Variants in CELF4 observed in about 807,000 individuals in gnomAD.
CELF4 encodes CUG-BP- and ETR-3-like factor 4.
In CELF4, 18 loss-of-function variants were observed where a neutral mutation model predicts 59.9. The ratio of observed to expected loss-of-function variants is 0.30; its 90% CI spans 0.21 to 0.45. CELF4 has a LOEUF of 0.45. CELF4 is among the 20% of genes least tolerant of loss of function. CELF4 has a pLI of 1.00. For missense variants in CELF4, 456 were observed against 689.0 expected (o/e 0.66, Z 3.79); for synonymous variants, 261 against 267.1 (o/e 0.98, Z 0.22).
Position 37,243,471 on chromosome 18 carries a change from T to C in CELF4, c.*1771A>G, listed in dbSNP as rs1301786196. The C allele has an allele frequency of 6.6e-6, 1 of 152,184 alleles. No individual in the cohort carries two copies. Among genetic ancestry groups the C allele is most frequent in the African/African-American group, 2.4e-5 (1 of 41,456 alleles). 9.4% of individuals were successfully genotyped at this position (152,184 alleles called of 1,614,324 possible). On this transcript the variant is annotated 3_prime_UTR_variant, in exon 13 of 13. Coordinates refer to ENST00000420428, the MANE Select transcript of CELF4 (RefSeq NM_020180.4). Reference sequence around the variant, plus strand: ...AATAAATATGTTATACTTTAAAATATATGTGTTCTTAAATAATTCAGTGTT... The same window carrying C: ...AATAAATATGTTATACTTTAAAATACATGTGTTCTTAAATAATTCAGTGTT...
At chr18:37,485,656 C>A in intron 1 of CELF4, 49 bp from the exon 2 acceptor site, 1 of 1,250,400 alleles carries the variant, frequency 8.0e-7, no homozygotes, top group South Asian at 2.2e-5. Context: ...CGCCCCCGGG[C>A]CCGCCGACGC....
At position 37,265,231 on chromosome 18, in the gene CELF4, G is replaced by A. The variant is rs112144965; in HGVS notation, c.1166-474C>T. ...TGTACGTGTGTGTACGTGTGTGCGC[G>A]CACGTGCACTTGTGTACATGGTGTT... On this transcript the variant is annotated intron_variant, in intron 9 of 12. Transcript: ENST00000420428. 3.5e-4 allele frequency among the ~76,000 whole-genome samples: 53 copies of A among 151,988 alleles called. No individual in the cohort carries two copies. The East Asian group carries it at 4.9e-3, about 14-fold the overall frequency.
intron 2 of CELF4, among the ~76,000 whole-genome samples, chr18:37,354,892 C>G (rs963708778): frequency 5.9e-5 from 9 of 152,226 alleles, no homozygotes; most frequent in African/African-American, 1.2e-4. Flanking sequence ...GGAAGTAGCA[C>G]TTAGGCCTCA....
chr18:37,386,829 T>C (rs1451389162), intron 2 of CELF4, among the ~76,000 whole-genome samples: 1 of 152,244 alleles, frequency 6.6e-6, no homozygotes, highest in African/African-American at 2.4e-5. Context: ...CTTCACTTTG[T>C]TCTCATACCT....
intron 2 of CELF4, among the ~76,000 whole-genome samples, chr18:37,353,912 C>T (rs1316632159): frequency 4.0e-5 from 6 of 151,756 alleles, no homozygotes; most frequent in East Asian, 1.9e-4. Context: ...ACTCACCACA[C>T]GCCCAGCTAA....
intron 2 of CELF4, among the ~76,000 whole-genome samples, chr18:37,436,804 A>G (rs2099694216): frequency 6.6e-6 from 1 of 152,210 alleles, no homozygotes; most frequent in South Asian, 2.1e-4. Flanking sequence ...CAGGAGCCCC[A>G]GAATCTAAAC....
chr18:37,308,625 C>T (rs1472089923), intron 3 of CELF4, among the ~76,000 whole-genome samples: 1 of 152,220 alleles, frequency 6.6e-6, no homozygotes, highest in Admixed American at 6.5e-5. Flanking sequence ...CCCATCAGCT[C>T]TCCAGGAGCA....
intron 2 of CELF4, among the ~76,000 whole-genome samples, chr18:37,471,770 G>A (rs996542797): frequency 6.6e-5 from 10 of 152,220 alleles, no homozygotes; most frequent in Non-Finnish European, 1.2e-4. Flanking sequence ...CTGCCAAGCA[G>A]CACCTAGCGC....
intron 1 of CELF4, among the ~76,000 whole-genome samples, chr18:37,551,485 G>A (rs2099983156): frequency 6.6e-6 from 1 of 152,192 alleles, no homozygotes; most frequent in African/African-American, 2.4e-5. Flanking sequence ...TGCAAGACCA[G>A]TGTCACCCCA....
chr18:37,426,637 C>G (rs1053322356), intron 2 of CELF4, among the ~76,000 whole-genome samples: 2 of 152,196 alleles, frequency 1.3e-5, no homozygotes, highest in African/African-American at 2.4e-5. Flanking sequence ...CCTCCTTCTT[C>G]CTTCCAGGAG....
At chr18:37,517,356 C>T (rs957753825) in intron 1 of CELF4, among the ~76,000 whole-genome samples, 1 of 152,190 alleles carries the variant, frequency 6.6e-6, no homozygotes, top group South Asian at 2.1e-4. Flanking sequence ...AGGTGTCTTG[C>T]AAGCAGGTGT....
At chr18:37,345,448 G>A (rs1189088357) in intron 2 of CELF4, among the ~76,000 whole-genome samples, 3 of 152,262 alleles carry the variant, frequency 2.0e-5, no homozygotes, top group East Asian at 1.9e-4. Flanking sequence ...TTTGGGTGTC[G>A]GGGGTGGGGT....
chr18:37,291,872 C>G (rs1398003674), intron 3 of CELF4, among the ~76,000 whole-genome samples: 2 of 152,162 alleles, frequency 1.3e-5, no homozygotes, highest in Non-Finnish European at 2.9e-5. Context: ...TGTCCCAACA[C>G]AGCAAGGCCT....
At chr18:37,456,323 C>T (rs937032861) in intron 2 of CELF4, among the ~76,000 whole-genome samples, 1 of 151,966 alleles carries the variant, frequency 6.6e-6, no homozygotes, top group Admixed American at 6.6e-5. Flanking sequence ...TGGGGTGGCC[C>T]GTAGTGCTGG....
intron 2 of CELF4, among the ~76,000 whole-genome samples, chr18:37,451,787 C>T (rs1026001083): frequency 2.0e-5 from 3 of 152,206 alleles, no homozygotes; most frequent in Admixed American, 2.0e-4. Context: ...GGTGCTGTTC[C>T]CTCACATCAC....
intron 2 of CELF4, among the ~76,000 whole-genome samples, chr18:37,383,788 C>G (rs2099068608): frequency 6.6e-6 from 1 of 152,204 alleles, no homozygotes; most frequent in South Asian, 2.1e-4. Flanking sequence ...CAACTGGGAC[C>G]AGCCACAGGG....
At chr18:37,301,173 A>G (rs2096006898) in intron 3 of CELF4, among the ~76,000 whole-genome samples, 1 of 152,134 alleles carries the variant, frequency 6.6e-6, no homozygotes. Flanking sequence ...AAACTGTGGC[A>G]CCAAAGCAGC....
chr18:37,548,718 T>C (rs2099982226), intron 1 of CELF4, among the ~76,000 whole-genome samples: 1 of 152,174 alleles, frequency 6.6e-6, no homozygotes, highest in Admixed American at 6.5e-5. Flanking sequence ...TGAGCAGGTG[T>C]TGCTGCAGTG....
intron 2 of CELF4, among the ~76,000 whole-genome samples, chr18:37,473,118 C>G (rs1208855459): frequency 6.6e-6 from 1 of 152,154 alleles, no homozygotes; most frequent in Admixed American, 6.5e-5. Context: ...CACAGGCCAG[C>G]CCGTGCTATC....
Sources: gnomAD v4.1 joint callset for allele counts (sites outside exome capture counted in the v4.1 genomes callset) on GRCh38, gnomAD v4.1.1 for gene constraint, MANE v1.5 for transcripts, NCBI Gene and HGNC (gene_info 2026-07-23, HGNC 2026-07-21) for gene names.